NELL1: variants seen among roughly 807,000 people sequenced by gnomAD.
NELL1 encodes protein kinase C-binding protein NELL1.
In NELL1, 76 loss-of-function variants were observed where a neutral mutation model predicts 107.4. The observed-to-expected ratio is 0.71, with a 90% CI of 0.59 to 0.86. The LOEUF is 0.86. Ranked by LOEUF, NELL1 falls within the 40% of genes least tolerant of loss-of-function variation. NELL1 has a pLI of 0.00. For missense variants in NELL1, 1,024 were observed against 1,005.5 expected, an observed-to-expected ratio of 1.02 and a Z score of -0.25; for synonymous variants, 353 against 341.2, an observed-to-expected ratio of 1.03 and a Z score of -0.38.
At chr11:21,474,063 A>G (rs1054876253) in intron 15 of NELL1, among the ~76,000 whole-genome samples, 5 of 152,072 alleles carry the variant, frequency 3.3e-5, no homozygotes, top group African/African-American at 1.2e-4. Flanking sequence ...TTTCACTGAC[A>G]CTAAGATGTG....
At chr11:21,456,178 C>T (rs1853728747) in intron 15 of NELL1, among the ~76,000 whole-genome samples, 1 of 152,152 alleles carries the variant, frequency 6.6e-6, no homozygotes. Flanking sequence ...CAGGCGATGC[C>T]TGGCCCTTTT....
At chr11:21,412,413 G>T (rs1347343663) in intron 15 of NELL1, among the ~76,000 whole-genome samples, 1 of 152,034 alleles carries the variant, frequency 6.6e-6, no homozygotes, top group African/African-American at 2.4e-5. Context: ...ATCCCTATCT[G>T]CTTCAATACT....
At chr11:20,920,725 G>A (rs1370710340) in intron 7 of NELL1, among the ~76,000 whole-genome samples, 1 of 152,050 alleles carries the variant, frequency 6.6e-6, no homozygotes, top group Non-Finnish European at 1.5e-5. Flanking sequence ...CTTCGAGGGC[G>A]TCGTTTGCTT....
At chr11:21,145,356 A>G (rs1352619624) in intron 13 of NELL1, among the ~76,000 whole-genome samples, 1 of 152,188 alleles carries the variant, frequency 6.6e-6, no homozygotes, top group Non-Finnish European at 1.5e-5. Context: ...TAGCAATGTA[A>G]ACTGATTAGG....
At chr11:21,448,415 A>C (rs1231960601) in intron 15 of NELL1, among the ~76,000 whole-genome samples, 1 of 152,170 alleles carries the variant, frequency 6.6e-6, no homozygotes, top group African/African-American at 2.4e-5. Context: ...CAACTTGCTA[A>C]CTACGTTAAA....
At chr11:20,854,502 T>G (rs1216062594) in intron 4 of NELL1, among the ~76,000 whole-genome samples, 1 of 152,232 alleles carries the variant, frequency 6.6e-6, no homozygotes, top group African/African-American at 2.4e-5. Context: ...TGAATTTATA[T>G]GTGAGTTGGC....
chr11:21,298,459 C>A (rs144509653), intron 14 of NELL1, among the ~76,000 whole-genome samples: 4 of 151,986 alleles, frequency 2.6e-5, no homozygotes, highest in Non-Finnish European at 5.9e-5. Context: ...AGTGAGCTCA[C>A]CTCTCTGACA....
chr11:20,774,964 A>C (rs931471710), intron 2 of NELL1, among the ~76,000 whole-genome samples: 4 of 152,070 alleles, frequency 2.6e-5, no homozygotes, highest in Non-Finnish European at 5.9e-5. Flanking sequence ...AGAAAAAAAA[A>C]CCCTGTTGTC....
At chr11:21,483,995 A>ATG (rs1239604981) in intron 15 of NELL1, among the ~76,000 whole-genome samples, 2 of 30,130 alleles carry the variant, frequency 6.6e-5, no homozygotes, top group African/African-American at 9.9e-5. Flanking sequence ...CTTAACATAT[A>ATG]TATATATATA....
intron 2 of NELL1, among the ~76,000 whole-genome samples, chr11:20,739,710 T>C (rs1418649335): frequency 6.6e-6 from 1 of 152,226 alleles, no homozygotes; most frequent in African/African-American, 2.4e-5. Flanking sequence ...GTTCCCGCAC[T>C]GCCATTCCCT....
chr11:21,046,890 T>C (rs1472090800), intron 12 of NELL1, among the ~76,000 whole-genome samples: 3 of 151,472 alleles, frequency 2.0e-5, no homozygotes, highest in African/African-American at 7.3e-5. Context: ...AAACTTTTTT[T>C]TTTTTTTGTA....
At chr11:21,525,729 T>C (rs571950182) in intron 15 of NELL1, among the ~76,000 whole-genome samples, 1 of 152,134 alleles carries the variant, frequency 6.6e-6, no homozygotes, top group Non-Finnish European at 1.5e-5. Flanking sequence ...AAAAGTCAAG[T>C]CTCACATGGT....
intron 12 of NELL1, among the ~76,000 whole-genome samples, chr11:21,018,652 G>A (rs955691926): frequency 4.6e-5 from 7 of 152,060 alleles, no homozygotes; most frequent in Non-Finnish European, 1.0e-4. Flanking sequence ...GGCAAAAGAG[G>A]TCCTGGGTGC....
At chr11:20,889,425 C>T (rs1204151127) in intron 5 of NELL1, among the ~76,000 whole-genome samples, 1 of 152,016 alleles carries the variant, frequency 6.6e-6, no homozygotes, top group East Asian at 1.9e-4. Flanking sequence ...GACATAAAGA[C>T]ATTAGTAGAG....
intron 13 of NELL1, among the ~76,000 whole-genome samples, chr11:21,155,174 G>A (rs1024026669): frequency 3.9e-5 from 6 of 152,144 alleles, no homozygotes; most frequent in Admixed American, 2.6e-4. Flanking sequence ...TGACTCAGGG[G>A]GCTGGGTGGA....
chr11:20,883,829 A>AG (rs1235818536), intron 4 of NELL1, among the ~76,000 whole-genome samples: 2 of 152,186 alleles, frequency 1.3e-5, no homozygotes, highest in Non-Finnish European at 2.9e-5. Flanking sequence ...TTAAGTTGTA[A>AG]ATTTGCCTTG....
At chr11:20,889,322 A>G (rs1278655015) in intron 5 of NELL1, among the ~76,000 whole-genome samples, 2 of 152,250 alleles carry the variant, frequency 1.3e-5, no homozygotes, top group East Asian at 3.8e-4. Context: ...AAGTCAAAAG[A>G]CAGTAGAAAA....
chr11:21,099,323 A>G (rs1169533414), intron 12 of NELL1, among the ~76,000 whole-genome samples: 1 of 152,006 alleles, frequency 6.6e-6, no homozygotes, highest in African/African-American at 2.4e-5. Context: ...AGGAAAAGTC[A>G]GTTTGCCTGA....
intron 12 of NELL1, among the ~76,000 whole-genome samples, chr11:21,087,954 C>G (rs1041985251): frequency 1.7e-4 from 26 of 151,888 alleles, no homozygotes; most frequent in African/African-American, 6.0e-4. Context: ...ACTGCTAATC[C>G]CTGTCATAGT....
Sources: gnomAD v4.1 joint callset for allele counts (sites outside exome capture counted in the v4.1 genomes callset) on GRCh38, gnomAD v4.1.1 for gene constraint, MANE v1.5 for transcripts, NCBI Gene and HGNC (gene_info 2026-07-23, HGNC 2026-07-21) for gene names.